The following KDM4D variants were observed in gnomAD, a reference collection of about 807,000 sequenced individuals.
KDM4D encodes the protein lysine demethylase 4D.
For missense variants in KDM4D, 427 were observed against 674.8 expected, an observed-to-expected ratio of 0.63 and a Z score of 4.07; for synonymous variants, 254 against 249.1, an observed-to-expected ratio of 1.02 and a Z score of -0.19.
At chr11:94,981,300 C>G (rs148843167) in intron 2 of KDM4D, among the ~76,000 whole-genome samples, 2 of 152,140 alleles carry the variant, frequency 1.3e-5, no homozygotes, top group Admixed American at 1.3e-4. Context: ...CATCTATGTT[C>G]ATAAGCGAGA....
At chr11:94,993,148 C>T (rs1423986453) in intron 2 of KDM4D, among the ~76,000 whole-genome samples, 1 of 152,102 alleles carries the variant, frequency 6.6e-6, no homozygotes, top group East Asian at 1.9e-4. Flanking sequence ...CAGCAAGAAG[C>T]TTAGGAGGCA....
intron 2 of KDM4D, among the ~76,000 whole-genome samples, chr11:94,981,277 GT>G (rs1404385922): frequency 1.3e-5 from 2 of 151,994 alleles, no homozygotes; most frequent in East Asian, 3.8e-4. Context: ...TCAGATTTCA[GT>G]TAGGATTTTT....
intron 2 of KDM4D, among the ~76,000 whole-genome samples, chr11:94,983,418 C>T (rs1258880519): frequency 2.6e-5 from 4 of 151,876 alleles, no homozygotes; most frequent in Non-Finnish European, 5.9e-5. Context: ...TTAAATAGTA[C>T]ACAAAGGCAC....
rs1238136198 is a variant in KDM4D at position 94,973,803 on chromosome 11, C to G, written c.-710C>G. Reference sequence around the variant, plus strand: ...TTAATGTCTCTTCCGTCTTTTCCGTCCCCGACCCCCTCCCAGACTCCTTCA... The same window carrying G: ...TTAATGTCTCTTCCGTCTTTTCCGTGCCCGACCCCCTCCCAGACTCCTTCA... On this transcript the variant is annotated 5_prime_UTR_variant, in exon 1 of 3. Coordinates refer to ENST00000335080, the MANE Select transcript of KDM4D (RefSeq NM_018039.3). 2.6e-5 allele frequency: 4 copies of G among 152,394 alleles called. No homozygotes were observed. The highest frequency in any genetic ancestry group is 5.9e-5 in the Non-Finnish European group (4 of 68,146). The allele number at this position is 152,394 out of a possible 1,614,324, so 9.4% of individuals were successfully genotyped here. A position where few individuals can be genotyped will look rare whatever the true frequency, so the allele number is the denominator to read the frequency against.
Position 94,998,736 on chromosome 11 carries a change from G to A in KDM4D, c.1364G>A (p.Arg455His), listed in dbSNP as rs374508120. 4.6e-5 allele frequency: 75 copies of A among 1,613,802 alleles called. No individual in the cohort carries two copies. The highest frequency in any genetic ancestry group is 2.9e-4 in the East Asian group (13 of 44,874). ...TCAAATGGCAGACGTGGTCGTGGTC[G>A]CCCTCCTCAGAAACTGAGAGCTCAG... ...HPSNGRRGRG[R>H]PPQKLRAQEL... The change falls in exon 3 of 3, where the codon CGC (arginine) becomes CAC (histidine). Residue 455 changes from arginine (R) to histidine (H), a missense_variant. Arg to His is a conservative substitution (Grantham distance 29, BLOSUM62 0). Transcript: ENST00000335080. The surrounding 1 kb of genome is among the most constrained non-coding windows in gnomAD (Gnocchi z 6.7).
intron 2 of KDM4D, among the ~76,000 whole-genome samples, chr11:94,978,122 A>G (rs1167469912): frequency 6.6e-6 from 1 of 152,194 alleles, no homozygotes; most frequent in Non-Finnish European, 1.5e-5. Flanking sequence ...TATATGTACC[A>G]TCAAAATCCT....
chr11:94,999,064 C>A lies in KDM4D; in HGVS notation c.*120C>A. 1 of 970,860 alleles carries A rather than the reference C, an allele frequency of 1.0e-6. No homozygotes were observed. Among genetic ancestry groups the A allele is most frequent in the Non-Finnish European group, 1.4e-6 (1 of 707,650 alleles). The allele number at this position is 970,860 out of a possible 1,614,324, so 60.1% of individuals were successfully genotyped here. A position where few individuals can be genotyped will look rare whatever the true frequency, so the allele number is the denominator to read the frequency against. On this transcript the variant is annotated 3_prime_UTR_variant, in exon 3 of 3. Transcript: ENST00000335080. The stretch of plus-strand genomic sequence containing the variant: ...GGACTCTAGGCATGCATGAAAGAGC[C>A]CCCCTGGTGATGCCCTTGGATGCTG...
intron 2 of KDM4D, among the ~76,000 whole-genome samples, chr11:94,985,098 C>T (rs1354892120): frequency 6.6e-6 from 1 of 152,134 alleles, no homozygotes; most frequent in Admixed American, 6.5e-5. Context: ...CTACTTTATG[C>T]AGCATTACAC....
At chr11:94,975,057 A>T (rs1857785359) in intron 1 of KDM4D, among the ~76,000 whole-genome samples, 1 of 152,216 alleles carries the variant, frequency 6.6e-6, no homozygotes, top group Non-Finnish European at 1.5e-5. Context: ...TCACTCGCTT[A>T]CGCACTAAGC....
intron 2 of KDM4D, among the ~76,000 whole-genome samples, chr11:94,993,977 A>G (rs1857956960): frequency 6.6e-6 from 1 of 152,190 alleles, no homozygotes; most frequent in Non-Finnish European, 1.5e-5. Context: ...TTGGGAGACT[A>G]TCATATGATA....
At chr11:94,995,081 T>C (rs1555099076) in intron 2 of KDM4D, among the ~76,000 whole-genome samples, 1 of 152,072 alleles carries the variant, frequency 6.6e-6, no homozygotes, top group East Asian at 1.9e-4. Context: ...AATAAAAATG[T>C]TTTGGGTGCC....
In KDM4D at chr11:94,997,285, CCAGT is replaced by C. The variant is rs1360824039; in HGVS notation, c.-85_-82del. On this transcript the variant is annotated 5_prime_UTR_variant, in exon 3 of 3. Transcript: ENST00000335080. ...AGATCCTGCTACCTCATAGATAACA[CCAGT>C]CAAATTTTTTTTTAAAGTAGCATTT... The C allele has an allele frequency of 2.4e-5, 25 of 1,025,054 alleles. No individual in the cohort carries two copies. Among genetic ancestry groups the C allele is most frequent in the Non-Finnish European group, 3.0e-5 (22 of 721,548 alleles). 63.5% of individuals were successfully genotyped at this position (1,025,054 alleles called of 1,614,324 possible). A position where few individuals can be genotyped will look rare whatever the true frequency, so the allele number is the denominator to read the frequency against.
At chr11:94,984,186 G>T (rs1301991644) in intron 2 of KDM4D, among the ~76,000 whole-genome samples, 1 of 152,120 alleles carries the variant, frequency 6.6e-6, no homozygotes, top group African/African-American at 2.4e-5. Context: ...AACTGTTAAT[G>T]TTGAATTTAA....
Position 94,996,486 on chromosome 11 carries a change from A to G in KDM4D, c.-349-538A>G, listed in dbSNP as rs80102795. On this transcript the variant is annotated intron_variant, in intron 2 of 2. Transcript: ENST00000335080. Reference sequence around the variant, plus strand: ...TACTTTGCCTCCTTTTCATCTTTATATAAATGCAATTGTGTAATAGGTATT... The same window carrying G: ...TACTTTGCCTCCTTTTCATCTTTATGTAAATGCAATTGTGTAATAGGTATT... 5.6e-3 allele frequency among the ~76,000 whole-genome samples: 860 copies of G among 152,346 alleles called. 6 individuals carry two copies. The highest frequency in any genetic ancestry group is 0.03 in the South Asian group (146 of 4,830).
intron 1 of KDM4D, among the ~76,000 whole-genome samples, chr11:94,975,171 G>GGA (rs1565416273): frequency 1.3e-5 from 2 of 152,036 alleles, no homozygotes; most frequent in African/African-American, 4.8e-5. Flanking sequence ...GTGCCCCAAA[G>GGA]TAACTGTATC....
At chr11:94,995,759 A>G (rs1857970849) in intron 2 of KDM4D, among the ~76,000 whole-genome samples, 1 of 152,234 alleles carries the variant, frequency 6.6e-6, no homozygotes, top group South Asian at 2.1e-4. Flanking sequence ...TAGCCCACGA[A>G]CCTCCCTCAA....
At chr11:94,989,752 CT>C (rs587676047) in intron 2 of KDM4D, among the ~76,000 whole-genome samples, 29 of 122,824 alleles carry the variant, frequency 2.4e-4, no homozygotes, top group Non-Finnish European at 2.6e-4. Context: ...CTCTCTCTTT[CT>C]TTTTTTTTTT....
In KDM4D at chr11:94,981,134, CT is replaced by C. The variant is rs371625142; in HGVS notation, c.-350+5387del. On this transcript the variant is annotated intron_variant, in intron 2 of 2. Coordinates refer to ENST00000335080, the MANE Select transcript of KDM4D (RefSeq NM_018039.3). ...ATTGATGAATTTTATCAAATACTTT[CT>C]CTGCATCTAATGAGATTCTCTTTAG... Among the ~76,000 whole-genome samples, 20 of 152,176 alleles carry C rather than the reference CT, an allele frequency of 1.3e-4. No homozygotes were observed. In the South Asian group the frequency reaches 1.9e-3, roughly 14 times the overall value.
At chr11:94,989,719 C>G (rs1273397709) in intron 2 of KDM4D, among the ~76,000 whole-genome samples, 2 of 150,164 alleles carry the variant, frequency 1.3e-5, no homozygotes, top group African/African-American at 4.9e-5. Flanking sequence ...GAAAAGTTGC[C>G]CTTTAACCTT....
Sources: gnomAD v4.1 joint callset for allele counts (sites outside exome capture counted in the v4.1 genomes callset) on GRCh38, gnomAD v4.1.1 for gene constraint, Gnocchi (gnomAD v3.1) non-coding constraint, MANE v1.5 for transcripts, NCBI Gene and HGNC (gene_info 2026-07-23, HGNC 2026-07-21) for gene names.